The following ABCA10 variants were observed in gnomAD, a reference collection of about 807,000 sequenced individuals.
The protein encoded by ABCA10 is ATP-binding cassette sub-family A member 10.
Under a neutral mutation model 187.5 loss-of-function variants are expected in ABCA10, and 169 were observed. The observed-to-expected ratio is 0.90, with a 90% CI of 0.80 to 1.02. The LOEUF is 1.02. Among genes scored for constraint, ABCA10 ranks in the 50% least tolerant of loss-of-function variants. The probability of loss-of-function intolerance (pLI) is 0.00; values close to 1 mark genes in which losing one functional copy is unlikely to be tolerated. For missense variants in ABCA10, 1,727 were observed against 1,812.4 expected, an observed-to-expected ratio of 0.95 and a Z score of 0.86; for synonymous variants, 574 against 601.8, an observed-to-expected ratio of 0.95 and a Z score of 0.68.
chr17:69,182,835 G>GAAAAAAAAAA, intron 20 of ABCA10, 27 bp from the exon 21 acceptor site: 2 of 1,325,832 alleles, frequency 1.5e-6, no homozygotes, highest in Non-Finnish European at 1.0e-6. Flanking sequence ...AAGGCAACAA[G>GAAAAAAAAAA]AAAAAAAAAA....
intron 9 of ABCA10, among the ~76,000 whole-genome samples, chr17:69,205,115 G>A (rs2074581571): frequency 6.6e-6 from 1 of 152,050 alleles, no homozygotes; most frequent in African/African-American, 2.4e-5. Context: ...GTGACACAGT[G>A]AGACCCTGTC....
intron 12 of ABCA10, among the ~76,000 whole-genome samples, 173 bp downstream of exon 12, chr17:69,194,212 G>A (rs1021242928): frequency 6.6e-6 from 1 of 152,068 alleles, no homozygotes; most frequent in African/African-American, 2.4e-5. Context: ...AAATAATAGT[G>A]GAATAGAGAT....
intron 2 of ABCA10, among the ~76,000 whole-genome samples, chr17:69,226,294 T>G (rs1342445134): frequency 2.6e-5 from 4 of 152,094 alleles, no homozygotes; most frequent in Non-Finnish European, 5.9e-5. Context: ...ACCAATATTT[T>G]CACATTTCTG....
chr17:69,182,952 A>T (rs1040240666), intron 20 of ABCA10, 144 bp from the exon 21 acceptor site: 38 of 940,478 alleles, frequency 4.0e-5, no homozygotes, highest in Non-Finnish European at 5.5e-5. Flanking sequence ...TAGGAGTACA[A>T]TACTATTCAT....
At chr17:69,154,417 T>C (rs1031593008) in intron 30 of ABCA10, 91 bp from the exon 31 acceptor site, 2 of 815,444 alleles carry the variant, frequency 2.5e-6, no homozygotes, top group South Asian at 2.1e-5. Flanking sequence ...TGAAACAAAA[T>C]GACTTTTTTT....
intron 17 of ABCA10, among the ~76,000 whole-genome samples, chr17:69,190,711 CTGTG>C (rs529095217): frequency 7.2e-5 from 11 of 151,880 alleles, no homozygotes; most frequent in Middle Eastern, 3.5e-3. Flanking sequence ...ATCATTATTG[CTGTG>C]TGTGTTTGTA....
At chr17:69,230,567 T>C (rs538897228), upstream of ABCA10, among the ~76,000 whole-genome samples, 12 of 152,234 alleles carry the variant, frequency 7.9e-5, no homozygotes, top group African/African-American at 2.9e-4. Flanking sequence ...TTTAGGCTTA[T>C]GCACATCCAC....
At chr17:69,176,225 G>C (rs1021704114) in intron 22 of ABCA10, among the ~76,000 whole-genome samples, 1 of 152,130 alleles carries the variant, frequency 6.6e-6, no homozygotes, top group East Asian at 1.9e-4. Context: ...CTCTAATAGT[G>C]ATTGTTGTGA....
intron 36 of ABCA10, 133 bp downstream of exon 36, chr17:69,151,910 T>C (rs1229454098): frequency 1.5e-6 from 2 of 1,362,020 alleles, no homozygotes; most frequent in East Asian, 2.3e-5. Flanking sequence ...ATCCTAGCAA[T>C]CCTCAAACAG....
At chr17:69,210,251 G>A (rs537234888) in intron 9 of ABCA10, among the ~76,000 whole-genome samples, 227 of 132,808 alleles carry the variant, frequency 1.7e-3, no homozygotes, top group Non-Finnish European at 2.5e-3. Flanking sequence ...CTGCAGTGGC[G>A]CAATCTCGGC....
intron 2 of ABCA10, among the ~76,000 whole-genome samples, chr17:69,226,184 A>C (rs1424114428): frequency 1.3e-5 from 2 of 152,082 alleles, no homozygotes; most frequent in African/African-American, 4.8e-5. Flanking sequence ...TAGCCATTAC[A>C]TATATTTTAG....
intron 23 of ABCA10, 25 bp downstream of exon 23, chr17:69,175,381 C>G: frequency 6.4e-7 from 1 of 1,572,674 alleles, no homozygotes; most frequent in South Asian, 1.2e-5. Context: ...CAATCTCAAT[C>G]TAATTTCCTC....
chr17:69,174,794 G>T lies in ABCA10; in HGVS notation c.2878-17C>A. Reference sequence around the variant, plus strand: ...AACATTTTTCTGACAAAGAATAGAAGGGATAGAGGAAGGGATCTTAGTTTG... The same window carrying T: ...AACATTTTTCTGACAAAGAATAGAATGGATAGAGGAAGGGATCTTAGTTTG... On this transcript the variant is annotated splice_polypyrimidine_tract_variant and intron_variant, in intron 23 of 38. Transcript: ENST00000690296. 1 of 1,542,920 alleles carries T rather than the reference G, an allele frequency of 6.5e-7. No individual in the cohort carries two copies. The highest frequency in any genetic ancestry group is 2.2e-5 in the Admixed American group (1 of 46,176).
At chr17:69,214,147 C>T (rs1380550112) in intron 9 of ABCA10, among the ~76,000 whole-genome samples, 1 of 152,208 alleles carries the variant, frequency 6.6e-6, no homozygotes, top group African/African-American at 2.4e-5. Context: ...CATACCGACA[C>T]ACATACATCC....
At chr17:69,160,716 G>A (rs1177173761) in intron 27 of ABCA10, among the ~76,000 whole-genome samples, 2 of 152,056 alleles carry the variant, frequency 1.3e-5, no homozygotes, top group South Asian at 2.1e-4. Flanking sequence ...AACCACAATG[G>A]CATACCACCT....
At chr17:69,214,589 T>G (rs912357928) in intron 9 of ABCA10, 115 bp downstream of exon 9, 1 of 931,602 alleles carries the variant, frequency 1.1e-6, no homozygotes, top group Non-Finnish European at 1.5e-6. Context: ...TGTTTTGAAA[T>G]TTTTTCTTCT....
intron 22 of ABCA10, among the ~76,000 whole-genome samples, chr17:69,177,384 G>C (rs1473136763): frequency 6.6e-6 from 1 of 152,112 alleles, no homozygotes; most frequent in Admixed American, 6.5e-5. Flanking sequence ...TGCTGGTCCA[G>C]ACACTTTTGT....
chr17:69,148,726 GT>G lies in ABCA10; in HGVS notation c.*100del. ...AATCATTATTGAATGTTTATTAAAT[GT>G]TTTCTTTTGTTAACTGAAGTAAAAG... On this transcript the variant is annotated 3_prime_UTR_variant, in exon 39 of 39. Transcript: ENST00000690296. 5 of 1,002,390 alleles carry G rather than the reference GT, an allele frequency of 5.0e-6. No individual in the cohort carries two copies. Among genetic ancestry groups the G allele is most frequent in the Non-Finnish European group, 5.9e-6 (4 of 679,066 alleles). 62.1% of individuals were successfully genotyped at this position (1,002,390 alleles called of 1,614,324 possible). A position where few individuals can be genotyped will look rare whatever the true frequency, so the allele number is the denominator to read the frequency against.
intron 6 of ABCA10, among the ~76,000 whole-genome samples, chr17:69,217,745 T>C (rs1239053592): frequency 2.0e-5 from 3 of 152,162 alleles, no homozygotes; most frequent in Non-Finnish European, 2.9e-5. Flanking sequence ...ATATAGCAGT[T>C]TTACCTTAAT....
Sources: gnomAD v4.1 joint callset for allele counts (sites outside exome capture counted in the v4.1 genomes callset) on GRCh38, gnomAD v4.1.1 for gene constraint, MANE v1.5 for transcripts, NCBI Gene and HGNC (gene_info 2026-07-23, HGNC 2026-07-21) for gene names.